Variants in SPATA12 observed in about 807,000 individuals in gnomAD.
SPATA12 encodes the protein spermatogenesis-associated protein 12.
For synonymous variants in SPATA12, 85 were observed against 89.2 expected, an observed-to-expected ratio of 0.95 and a Z score of 0.26; for missense variants, 219 against 226.4, an observed-to-expected ratio of 0.97 and a Z score of 0.21.
intron 1 of SPATA12, among the ~76,000 whole-genome samples, chr3:57,061,747 G>A (rs1458073141): frequency 1.3e-5 from 2 of 152,160 alleles, no homozygotes; most frequent in African/African-American, 4.8e-5. Flanking sequence ...CTCTCAGTGA[G>A]CAGTCTCTCA....
At position 57,073,497 on chromosome 3, in the gene SPATA12, C is replaced by T. The variant is rs1387642233; in HGVS notation, c.-198C>T. The T allele has an allele frequency of 2.6e-6, 2 of 780,732 alleles. No individual in the cohort carries two copies. The highest frequency in any genetic ancestry group is 3.5e-5 in the African/African-American group (2 of 57,484). The allele number at this position is 780,732 out of a possible 1,614,324, so 48.4% of individuals were successfully genotyped here. A position where few individuals can be genotyped will look rare whatever the true frequency, so the allele number is the denominator to read the frequency against. On this transcript the variant is annotated 5_prime_UTR_variant, in exon 2 of 2. Transcript: ENST00000334325. ...CAAAGATGTGAACATGGGAAAACCT[C>T]TGCAGTATCTGGGTGACTGTGGGGT...
rs1706114934 is a variant in SPATA12 at position 57,074,467 on chromosome 3, C to G, written c.*200C>G. Reference sequence around the variant, plus strand: ...TATCACAGATGAAGAAATCAAGATTCAGAAAGGTTAAGTTACTGGCACAAG... The same window carrying G: ...TATCACAGATGAAGAAATCAAGATTGAGAAAGGTTAAGTTACTGGCACAAG... On this transcript the variant is annotated 3_prime_UTR_variant, in exon 2 of 2. Transcript: ENST00000334325. The G allele has an allele frequency of 5.0e-6, 3 of 602,644 alleles. No homozygotes were observed. 37.3% of individuals were successfully genotyped at this position (602,644 alleles called of 1,614,324 possible).
intron 1 of SPATA12, among the ~76,000 whole-genome samples, chr3:57,062,907 T>C (rs937850731): frequency 5.9e-5 from 9 of 152,148 alleles, no homozygotes; most frequent in East Asian, 1.9e-4. Context: ...GGGAACACAA[T>C]AGAAGAAAAA....
chr3:57,071,915 C>T (rs1368433127), intron 1 of SPATA12, among the ~76,000 whole-genome samples: 1 of 152,062 alleles, frequency 6.6e-6, no homozygotes, highest in African/African-American at 2.4e-5. Context: ...ACACTTACAA[C>T]TCAATAATAA....
chr3:57,062,508 A>C (rs1248755572), intron 1 of SPATA12, among the ~76,000 whole-genome samples: 1 of 152,210 alleles, frequency 6.6e-6, no homozygotes, highest in African/African-American at 2.4e-5. Flanking sequence ...AGAGGGAAGG[A>C]AGCAGGGCAA....
chr3:57,074,640 A>G lies in SPATA12; in HGVS notation c.*373A>G, dbSNP rs1469522484. The G allele has an allele frequency of 4.7e-6, 1 of 213,240 alleles. No individual in the cohort carries two copies. Among genetic ancestry groups the G allele is most frequent in the East Asian group, 1.2e-4 (1 of 8,006 alleles). 13.2% of individuals were successfully genotyped at this position (213,240 alleles called of 1,614,324 possible). ...CGATCCTATACATTTTCATCTCTTTATTGTTTCTATCAAAGCCTGCTAAGT... is the reference window on the plus strand; with the variant it reads ...CGATCCTATACATTTTCATCTCTTTGTTGTTTCTATCAAAGCCTGCTAAGT... On this transcript the variant is annotated 3_prime_UTR_variant, in exon 2 of 2. Transcript: ENST00000334325.
chr3:57,071,935 T>G (rs1435288479), intron 1 of SPATA12, among the ~76,000 whole-genome samples: 1 of 152,104 alleles, frequency 6.6e-6, no homozygotes, highest in Non-Finnish European at 1.5e-5. Context: ...AAGAGACATA[T>G]AATCCAATTT....
chr3:57,070,971 C>CAAAAAAAAA (rs1231328722), intron 1 of SPATA12, among the ~76,000 whole-genome samples: 1 of 49,626 alleles, frequency 2.0e-5, no homozygotes, highest in African/African-American at 6.3e-5. Context: ...GACTCTGTCA[C>CAAAAAAAAA]AAAAAAAAAA....
chr3:57,063,401 C>T (rs1705340783), intron 1 of SPATA12, among the ~76,000 whole-genome samples: 2 of 152,126 alleles, frequency 1.3e-5, no homozygotes, highest in Admixed American at 1.3e-4. Context: ...GAGTTGAGAA[C>T]AAGCTGAAAG....
intron 1 of SPATA12, among the ~76,000 whole-genome samples, chr3:57,067,276 C>G (rs955832788): frequency 4.6e-5 from 7 of 151,530 alleles, no homozygotes; most frequent in Middle Eastern, 6.8e-3. Context: ...ACGGTGAAAC[C>G]CTGTCTCTTC....
At chr3:57,063,257 A>G (rs1375299675) in intron 1 of SPATA12, among the ~76,000 whole-genome samples, 1 of 150,804 alleles carries the variant, frequency 6.6e-6, no homozygotes, top group African/African-American at 2.5e-5. Context: ...GTCAGAGAGG[A>G]AATGCAGCCA....
At position 57,073,528 on chromosome 3, in the gene SPATA12, T is replaced by G; in HGVS notation, c.-167T>G. On this transcript the variant is annotated 5_prime_UTR_variant, in exon 2 of 2. Coordinates refer to ENST00000334325, the MANE Select transcript of SPATA12 (RefSeq NM_181727.2). Reference sequence around the variant, plus strand: ...TATCTGGGTGACTGTGGGGTTTGGCTCTGTTTGAGCACCCCGGGATGATTG... The same window carrying G: ...TATCTGGGTGACTGTGGGGTTTGGCGCTGTTTGAGCACCCCGGGATGATTG... 2 of 1,175,980 alleles carry G rather than the reference T, an allele frequency of 1.7e-6. No individual in the cohort carries two copies. The highest frequency in any genetic ancestry group is 3.0e-5 in the Admixed American group (1 of 33,448). 72.8% of individuals were successfully genotyped at this position (1,175,980 alleles called of 1,614,324 possible).
chr3:57,072,726 CAAAA>C (rs11332171), intron 1 of SPATA12, among the ~76,000 whole-genome samples: 5 of 112,162 alleles, frequency 4.5e-5, no homozygotes, highest in African/African-American at 3.6e-5. Flanking sequence ...GAGACTCTGT[CAAAA>C]AAAAAAAAAA....
rs769247768 is a variant in SPATA12 at position 57,074,078 on chromosome 3, A to G, written c.384A>G (p.Gln128=). The change falls in exon 2 of 2, where the codon CAA becomes CAG. Residue 128 remains glutamine, a synonymous_variant. Coordinates refer to ENST00000334325, the MANE Select transcript of SPATA12 (RefSeq NM_181727.2). ...CEQVIHNSTP[Q]FLGMEDGDNE... ...AAGTTATTCATAACTCTACACCTCA[A>G]TTTCTTGGTATGGAAGATGGGGATA... 6 of 1,614,036 alleles carry G rather than the reference A, an allele frequency of 3.7e-6. No individual in the cohort carries two copies. Among genetic ancestry groups the G allele is most frequent in the Non-Finnish European group, 5.1e-6 (6 of 1,179,908 alleles).
chr3:57,071,387 C>T (rs562890428), intron 1 of SPATA12, among the ~76,000 whole-genome samples: 9 of 152,104 alleles, frequency 5.9e-5, no homozygotes, highest in South Asian at 2.1e-4. Flanking sequence ...TATGGCTGGG[C>T]GTGGTGGCTC....
At chr3:57,069,051 T>TA (rs1705729632) in intron 1 of SPATA12, among the ~76,000 whole-genome samples, 1 of 151,814 alleles carries the variant, frequency 6.6e-6, no homozygotes, top group African/African-American at 2.4e-5. Flanking sequence ...CTCTCTCTAG[T>TA]AACTGGGATT....
intron 1 of SPATA12, among the ~76,000 whole-genome samples, chr3:57,065,194 C>T (rs1278436136): frequency 1.3e-5 from 2 of 152,172 alleles, no homozygotes; most frequent in African/African-American, 4.8e-5. Context: ...GTGGCTCACG[C>T]CTCACGCCTG....
At chr3:57,064,064 C>T (rs576397360) in intron 1 of SPATA12, among the ~76,000 whole-genome samples, 1 of 152,078 alleles carries the variant, frequency 6.6e-6, no homozygotes, top group Admixed American at 6.5e-5. Flanking sequence ...CTCAGGGGCT[C>T]GAGACCAGCC....
At chr3:57,063,514 TAG>T (rs1195160287) in intron 1 of SPATA12, among the ~76,000 whole-genome samples, 2 of 151,844 alleles carry the variant, frequency 1.3e-5, no homozygotes, top group Non-Finnish European at 2.9e-5. Flanking sequence ...ACTCTACAAG[TAG>T]AGTCTTTTGA....
Sources: gnomAD v4.1 joint callset for allele counts (sites outside exome capture counted in the v4.1 genomes callset) on GRCh38, gnomAD v4.1.1 for gene constraint, MANE v1.5 for transcripts, NCBI Gene and HGNC (gene_info 2026-07-23, HGNC 2026-07-21) for gene names.